The following GLRB variants were observed in gnomAD, a reference collection of about 807,000 sequenced individuals.
The protein encoded by GLRB is glycine receptor subunit beta.
GLRB carries 33 observed loss-of-function variants against 54.2 expected under a neutral mutation model. That is an observed-to-expected ratio of 0.61 (90% confidence interval 0.46 to 0.81). The LOEUF (loss-of-function observed/expected upper bound fraction) is 0.81, where lower values mean the gene tolerates loss of function less well. Among genes scored for constraint, GLRB ranks in the 40% least tolerant of loss-of-function variants. The pLI is 0.00. For synonymous variants in GLRB, 209 were observed against 208.2 expected, an observed-to-expected ratio of 1.00 and a Z score of -0.03; for missense variants, 572 against 584.6, an observed-to-expected ratio of 0.98 and a Z score of 0.22.
chr4:157,125,199 A>G (rs1156384570), intron 4 of GLRB, among the ~76,000 whole-genome samples: 1 of 151,960 alleles, frequency 6.6e-6, no homozygotes, highest in Non-Finnish European at 1.5e-5. Context: ...TTATGTTATG[A>G]GAGGATACTT....
At chr4:157,123,123 G>C (rs576192995) in intron 4 of GLRB, among the ~76,000 whole-genome samples, 58 of 151,796 alleles carry the variant, frequency 3.8e-4, no homozygotes, top group African/African-American at 1.2e-3. Flanking sequence ...GCTTACTAAG[G>C]TTTTAGAATA....
intron 2 of GLRB, among the ~76,000 whole-genome samples, chr4:157,083,366 C>T (rs1002527028): frequency 6.6e-6 from 1 of 150,522 alleles, no homozygotes; most frequent in Non-Finnish European, 1.5e-5. Context: ...ATAGAAGCTA[C>T]GGGGAGGGAT....
chr4:157,127,326 CATCTTAGATGTAAAATCATAA>C, intron 4 of GLRB, among the ~76,000 whole-genome samples: 1 of 151,618 alleles, frequency 6.6e-6, no homozygotes, highest in Non-Finnish European at 1.5e-5. Context: ...GTAGATTTTA[CATCTTAGATGTAAAATCATAA>C]ACATTAAACT....
At chr4:157,081,949 C>G (rs140089717) in intron 2 of GLRB, among the ~76,000 whole-genome samples, 7 of 152,262 alleles carry the variant, frequency 4.6e-5, no homozygotes, top group African/African-American at 1.7e-4. Flanking sequence ...CATCCCGACC[C>G]CTGCCTCTGC....
At chr4:157,136,955 T>C in intron 6 of GLRB, 69 bp downstream of exon 6, 2 of 910,604 alleles carry the variant, frequency 2.2e-6, no homozygotes, top group South Asian at 1.3e-5. Flanking sequence ...TACATTCTAC[T>C]GACATCTTAG....
At chr4:157,150,729 C>G (rs1185019994) in intron 8 of GLRB, among the ~76,000 whole-genome samples, 1 of 151,934 alleles carries the variant, frequency 6.6e-6, no homozygotes, top group African/African-American at 2.4e-5. Flanking sequence ...ATCTTTTTTA[C>G]GGAAATTCTT....
chr4:157,128,011 G>C (rs1736077346), intron 4 of GLRB, among the ~76,000 whole-genome samples: 1 of 151,770 alleles, frequency 6.6e-6, no homozygotes, highest in Non-Finnish European at 1.5e-5. Flanking sequence ...TTCTGCTGGA[G>C]GTTTATCTGA....
At chr4:157,157,631 G>A (rs552290784) in intron 9 of GLRB, among the ~76,000 whole-genome samples, 1 of 152,192 alleles carries the variant, frequency 6.6e-6, no homozygotes, top group African/African-American at 2.4e-5. Context: ...CAGAATGATT[G>A]TTTCCAGCTT....
intron 8 of GLRB, among the ~76,000 whole-genome samples, chr4:157,146,481 G>A (rs1330332967): frequency 6.6e-6 from 1 of 151,914 alleles, no homozygotes; most frequent in Non-Finnish European, 1.5e-5. Context: ...AATAATTCAG[G>A]TAAATATTTG....
chr4:157,152,641 T>G, intron 8 of GLRB, 77 bp from the exon 9 acceptor site: 1 of 1,130,108 alleles, frequency 8.8e-7, no homozygotes. Context: ...TGGAGACGGA[T>G]TTAGTCAAAG....
chr4:157,085,390 G>A (rs1329168965), intron 2 of GLRB, among the ~76,000 whole-genome samples: 1 of 152,084 alleles, frequency 6.6e-6, no homozygotes, highest in Non-Finnish European at 1.5e-5. Flanking sequence ...CCAGGCATGA[G>A]CCACCATGCC....
At chr4:157,120,709 A>T (rs765321770) in intron 3 of GLRB, 47 bp downstream of exon 3, 5 of 874,620 alleles carry the variant, frequency 5.7e-6, no homozygotes, top group African/African-American at 1.7e-5. Flanking sequence ...TTAAAAATTA[A>T]TTTTATATGT....
At chr4:157,122,218 TCCA>T in intron 3 of GLRB, 109 bp from the exon 4 acceptor site, 1 of 504,930 alleles carries the variant, frequency 2.0e-6, no homozygotes, top group Non-Finnish European at 3.6e-6. Context: ...TTTTTTGCAT[TCCA>T]TATGGATTGG....
At chr4:157,133,617 T>C (rs777130781) in intron 4 of GLRB, among the ~76,000 whole-genome samples, 1 of 151,966 alleles carries the variant, frequency 6.6e-6, no homozygotes, top group Non-Finnish European at 1.5e-5. Flanking sequence ...ATGTCATTAA[T>C]AAATAATTTT....
At chr4:157,162,685 C>A (rs1737552779) in intron 9 of GLRB, among the ~76,000 whole-genome samples, 1 of 152,142 alleles carries the variant, frequency 6.6e-6, no homozygotes, top group African/African-American at 2.4e-5. Flanking sequence ...CTGCCTGATC[C>A]TTCCTCTGGA....
At chr4:157,125,435 G>A (rs1008154742) in intron 4 of GLRB, among the ~76,000 whole-genome samples, 1 of 151,766 alleles carries the variant, frequency 6.6e-6, no homozygotes, top group Non-Finnish European at 1.5e-5. Context: ...TAAAACAACG[G>A]TATTTTGACT....
Position 157,084,648 on chromosome 4 carries a change from T to C in GLRB, c.122+6502T>C, listed in dbSNP as rs1029061375. On this transcript the variant is annotated intron_variant, in intron 2 of 9. Coordinates refer to ENST00000264428, the MANE Select transcript of GLRB (RefSeq NM_000824.5). ...AAATGGTTTGATGCCGTTATGATTT[T>C]TTTTGTCTCCTTCAGAGAGAGATTG... The C allele has an allele frequency of 6.4e-5, 29 of 456,138 alleles. No individual in the cohort carries two copies. In the Middle Eastern group the frequency reaches 1.9e-3, roughly 30 times the overall value. The allele number at this position is 456,138 out of a possible 1,614,324, so 28.3% of individuals were successfully genotyped here.
At chr4:157,147,676 G>T (rs745478564) in intron 8 of GLRB, among the ~76,000 whole-genome samples, 1 of 152,158 alleles carries the variant, frequency 6.6e-6, no homozygotes, top group Non-Finnish European at 1.5e-5. Flanking sequence ...AAAAAGTGCA[G>T]GAGCAGTGAC....
chr4:157,095,252 A>G (rs1579192730), intron 2 of GLRB, among the ~76,000 whole-genome samples: 1 of 150,380 alleles, frequency 6.6e-6, no homozygotes, highest in Middle Eastern at 3.4e-3. Flanking sequence ...TGGCTGAATA[A>G]TATGTGCCTT....
Sources: allele counts gnomAD v4.1 joint callset (sites outside exome capture counted in the v4.1 genomes callset), GRCh38; gene constraint gnomAD v4.1.1; transcripts MANE v1.5; gene names NCBI Gene and HGNC (gene_info 2026-07-23, HGNC 2026-07-21).